The following STPG2 variants were observed in gnomAD, a reference collection of about 807,000 sequenced individuals.
STPG2 encodes the protein sperm-tail PG-rich repeat-containing protein 2.
In STPG2, 56 loss-of-function variants were observed where a neutral mutation model predicts 54.2. The ratio of observed to expected loss-of-function variants is 1.03; its 90% CI spans 0.83 to 1.29. The LOEUF (loss-of-function observed/expected upper bound fraction) is 1.29. STPG2 is among the 50% of genes most tolerant of loss of function. STPG2 has a pLI of 0.00. For missense variants in STPG2, 596 were observed against 544.9 expected, an observed-to-expected ratio of 1.09 and a Z score of -0.93; for synonymous variants, 200 against 181.8, an observed-to-expected ratio of 1.10 and a Z score of -0.81.
chr4:97,830,555 C>A (rs199992281), intron 9 of STPG2, among the ~76,000 whole-genome samples: 1 of 152,012 alleles, frequency 6.6e-6, no homozygotes, highest in Non-Finnish European at 1.5e-5. Flanking sequence ...AGGCTAAATG[C>A]CCCAATTAAA....
chr4:97,635,086 G>A (rs1010211449), intron 10 of STPG2, among the ~76,000 whole-genome samples: 1 of 151,962 alleles, frequency 6.6e-6, no homozygotes, highest in Non-Finnish European at 1.5e-5. Flanking sequence ...AGGGCAGCCA[G>A]AGAGAAAGGT....
intron 5 of STPG2, among the ~76,000 whole-genome samples, chr4:98,035,458 G>T (rs534179495): frequency 5.8e-4 from 89 of 152,146 alleles, no homozygotes; most frequent in Admixed American, 7.9e-4. Flanking sequence ...AGATGCTGGA[G>T]AGGATGTGGA....
chr4:97,608,499 G>T lies in STPG2; in HGVS notation c.1321-49382C>A, dbSNP rs771548192. ...TTCTTGCCTACCTTTGGTTTTCTTC[G>T]GTTGTGTTCAAAGTATCTTCTGGAG... On this transcript the variant is annotated intron_variant, in intron 10 of 10. Transcript: ENST00000295268. 4.0e-5 allele frequency among the ~76,000 whole-genome samples: 6 copies of T among 151,882 alleles called. No homozygotes were observed. The South Asian group carries it at 1.0e-3, about 26-fold the overall frequency.
chr4:97,680,785 G>T (rs1723008800), intron 10 of STPG2, among the ~76,000 whole-genome samples: 1 of 126,492 alleles, frequency 7.9e-6, no homozygotes, highest in African/African-American at 3.1e-5. Flanking sequence ...TATCAGAAAA[G>T]GTAAATTTTT....
intron 4 of STPG2, among the ~76,000 whole-genome samples, chr4:97,480,856 A>T (rs1328991524): frequency 6.6e-6 from 1 of 151,440 alleles, no homozygotes; most frequent in African/African-American, 2.4e-5. Context: ...TTTTTTTCCC[A>T]GGATAAGGCT....
At chr4:98,075,823 T>A (rs1286595492) in intron 5 of STPG2, among the ~76,000 whole-genome samples, 1 of 152,232 alleles carries the variant, frequency 6.6e-6, no homozygotes, top group Non-Finnish European at 1.5e-5. Context: ...TTAAGAAAAG[T>A]ACTCTATCCT....
chr4:97,774,413 C>T (rs1001863003), intron 9 of STPG2, among the ~76,000 whole-genome samples: 1 of 152,166 alleles, frequency 6.6e-6, no homozygotes, highest in Non-Finnish European at 1.5e-5. Context: ...CATCACTCCT[C>T]CTCCTCAAGT....
intron 10 of STPG2, among the ~76,000 whole-genome samples, chr4:97,567,005 A>G (rs1044985864): frequency 1.2e-4 from 19 of 152,050 alleles, no homozygotes; most frequent in African/African-American, 4.3e-4. Flanking sequence ...CACATTGTGC[A>G]CATGTACCCT....
chr4:97,921,811 C>T (rs1732118933), intron 8 of STPG2, among the ~76,000 whole-genome samples: 1 of 152,038 alleles, frequency 6.6e-6, no homozygotes, highest in Non-Finnish European at 1.5e-5. Context: ...AGAAAAGTGG[C>T]ACATATATAC....
chr4:97,505,921 G>A (rs1730833611), intron 4 of STPG2, among the ~76,000 whole-genome samples: 2 of 145,852 alleles, frequency 1.4e-5, no homozygotes, highest in South Asian at 4.5e-4. Context: ...TCATTTCGAA[G>A]AGGTTTTTAT....
At chr4:97,613,456 C>T (rs1177375891) in intron 10 of STPG2, among the ~76,000 whole-genome samples, 4 of 149,292 alleles carry the variant, frequency 2.7e-5, no homozygotes, top group Admixed American at 6.7e-5. Context: ...TGGAAGTGAG[C>T]CACTGTCTAG....
chr4:97,964,838 A>G (rs531195655), intron 7 of STPG2, among the ~76,000 whole-genome samples: 78 of 152,312 alleles, frequency 5.1e-4, no homozygotes, highest in Non-Finnish European at 1.0e-3. Flanking sequence ...GTTTTCACCT[A>G]TTGGTCTTGA....
intron 8 of STPG2, among the ~76,000 whole-genome samples, chr4:97,896,326 A>G (rs1018457452): frequency 6.6e-6 from 1 of 151,784 alleles, no homozygotes; most frequent in African/African-American, 2.4e-5. Context: ...AATGAAACCT[A>G]TTACATACAA....
At chr4:97,947,683 ATTGT>A (rs1389758946) in intron 7 of STPG2, among the ~76,000 whole-genome samples, 1 of 151,782 alleles carries the variant, frequency 6.6e-6, no homozygotes, top group Non-Finnish European at 1.5e-5. Context: ...TTTGTTTTTA[ATTGT>A]TTATGTGATG....
At chr4:98,062,188 A>C (rs1181866889) in intron 5 of STPG2, among the ~76,000 whole-genome samples, 4 of 152,198 alleles carry the variant, frequency 2.6e-5, no homozygotes, top group Non-Finnish European at 5.9e-5. Flanking sequence ...CAGCAAACTA[A>C]TGCAGGAACA....
intron 8 of STPG2, among the ~76,000 whole-genome samples, chr4:97,876,869 G>GA (rs1245376497): frequency 6.6e-6 from 1 of 152,074 alleles, no homozygotes; most frequent in African/African-American, 2.4e-5. Flanking sequence ...AGAGAGAATA[G>GA]AAAAAATTTG....
chr4:97,573,177 T>C lies in STPG2; in HGVS notation c.1321-14060A>G, dbSNP rs1732641979. On this transcript the variant is annotated intron_variant, in intron 10 of 10. Coordinates refer to ENST00000295268, the MANE Select transcript of STPG2 (RefSeq NM_174952.3). ...CTCAAGTTTCTGAATTTATTATTTT[T>C]CTGTAATTCTTCCTAATTTCTATAG... 2.6e-5 allele frequency among the ~76,000 whole-genome samples: 4 copies of C among 152,162 alleles called. No individual in the cohort carries two copies. In the South Asian group the frequency reaches 8.3e-4, roughly 31 times the overall value.
At chr4:97,869,438 T>C (rs1729904401) in intron 8 of STPG2, among the ~76,000 whole-genome samples, 1 of 151,708 alleles carries the variant, frequency 6.6e-6, no homozygotes, top group African/African-American at 2.4e-5. Context: ...TTTGGTGCAT[T>C]TTTAAACAGA....
chr4:98,133,151 G>A (rs941819234), intron 2 of STPG2, among the ~76,000 whole-genome samples: 1 of 151,872 alleles, frequency 6.6e-6, no homozygotes, highest in Non-Finnish European at 1.5e-5. Flanking sequence ...CATTTGAGTG[G>A]AATCTTCCAG....
Sources: gnomAD v4.1 joint callset for allele counts (sites outside exome capture counted in the v4.1 genomes callset) on GRCh38, gnomAD v4.1.1 for gene constraint, MANE v1.5 for transcripts, NCBI Gene and HGNC (gene_info 2026-07-23, HGNC 2026-07-21) for gene names.